Variants in CLASP1 observed in about 807,000 individuals in gnomAD.
The protein encoded by CLASP1 is cytoplasmic linker associated protein 1.
In CLASP1, 38 loss-of-function variants were observed where a neutral mutation model predicts 192.3. The ratio of observed to expected loss-of-function variants is 0.20; its 90% CI spans 0.15 to 0.26. The LOEUF (loss-of-function observed/expected upper bound fraction) is 0.26. Among genes scored for constraint, CLASP1 ranks in the 10% least tolerant of loss-of-function variants. The pLI is 1.00. For missense variants in CLASP1, 1,433 were observed against 1,932.5 expected (o/e 0.74, Z 4.85); for synonymous variants, 691 against 712.8 (o/e 0.97, Z 0.49).
At chr2:121,448,026 G>A (rs1361402395) in intron 18 of CLASP1, among the ~76,000 whole-genome samples, 1 of 152,194 alleles carries the variant, frequency 6.6e-6, no homozygotes, top group Non-Finnish European at 1.5e-5. Context: ...CAACATGCAG[G>A]GGAGGTGGAG....
chr2:121,373,988 T>C (rs1268382327), intron 34 of CLASP1, among the ~76,000 whole-genome samples: 1 of 152,204 alleles, frequency 6.6e-6, no homozygotes, highest in Non-Finnish European at 1.5e-5. Flanking sequence ...TTTGCACAAA[T>C]AATTAAAAGC....
At chr2:121,566,217 G>T (rs1426381441) in intron 2 of CLASP1, among the ~76,000 whole-genome samples, 1 of 152,192 alleles carries the variant, frequency 6.6e-6, no homozygotes, top group East Asian at 1.9e-4. Flanking sequence ...GAGAAATGGG[G>T]ACGAAAGCAG....
At chr2:121,610,805 AACTG>A in intron 1 of CLASP1, among the ~76,000 whole-genome samples, 12 of 133,898 alleles carry the variant, frequency 9.0e-5, no homozygotes, top group African/African-American at 3.6e-4. Context: ...GAGGAAGAGG[AACTG>A]GAGCAGGAGG....
chr2:121,425,362 T>A, intron 21 of CLASP1, 56 bp from the exon 22 acceptor site: 1 of 1,481,004 alleles, frequency 6.8e-7, no homozygotes, highest in Non-Finnish European at 9.1e-7. Flanking sequence ...GAATGAACTA[T>A]AATACTTTCA....
chr2:121,368,447 A>AT (rs1055986561), intron 34 of CLASP1, among the ~76,000 whole-genome samples: 88 of 147,568 alleles, frequency 6.0e-4, no homozygotes, highest in Admixed American at 1.6e-3. Context: ...TATTTCCCAA[A>AT]TTTTTTTTTT....
rs765672625 is a variant in CLASP1 at position 121,530,893 on chromosome 2, T to C, written c.196-568A>G. 42 of 694,046 alleles carry C rather than the reference T, an allele frequency of 6.1e-5. No homozygotes were observed. The highest frequency in any genetic ancestry group is 2.4e-4 in the Admixed American group (12 of 49,744). 43.0% of individuals were successfully genotyped at this position (694,046 alleles called of 1,614,324 possible). ...ACTTTCTATTATAACCATCCTTTTC[T>C]TGGGGTTGCGCTACTGTCCAATGAG... On this transcript the variant is annotated intron_variant, in intron 2 of 39. Transcript: ENST00000263710.
At chr2:121,550,866 T>G (rs1235715219) in intron 2 of CLASP1, among the ~76,000 whole-genome samples, 1 of 152,038 alleles carries the variant, frequency 6.6e-6, no homozygotes, top group Non-Finnish European at 1.5e-5. Context: ...CCCAACTCAT[T>G]CTACTAGGCC....
chr2:121,438,661 T>C (rs1185889307), intron 19 of CLASP1, among the ~76,000 whole-genome samples: 15 of 151,460 alleles, frequency 9.9e-5, no homozygotes, highest in Middle Eastern at 3.2e-3. Context: ...GAACCAGCCT[T>C]GCATCCCAGG....
chr2:121,431,301 G>A (rs549710978), intron 19 of CLASP1, among the ~76,000 whole-genome samples: 70 of 152,234 alleles, frequency 4.6e-4, no homozygotes, highest in South Asian at 4.6e-3. Flanking sequence ...AATCTATACA[G>A]AAGTGAAAAG....
At chr2:121,349,801 A>C (rs757944656) in intron 37 of CLASP1, among the ~76,000 whole-genome samples, 3 of 152,198 alleles carry the variant, frequency 2.0e-5, no homozygotes, top group Non-Finnish European at 4.4e-5. Context: ...ACCCTTTTGT[A>C]ATAAAGATGG....
In CLASP1 at chr2:121,418,516, C is replaced by A. The variant is rs189204266; in HGVS notation, c.2320+106G>T. ...GAAGAGGAAAGAAAGAAGAAAGGATCACAAGGACAGTAGAGGAGGAAAAGC... is the reference window on the plus strand; with the variant it reads ...GAAGAGGAAAGAAAGAAGAAAGGATAACAAGGACAGTAGAGGAGGAAAAGC... On this transcript the variant is annotated intron_variant, in intron 23 of 39. Coordinates refer to ENST00000263710, the Ensembl canonical transcript of CLASP1. 1.5e-4 allele frequency: 114 copies of A among 765,370 alleles called. No homozygotes were observed. In the East Asian group the frequency reaches 2.6e-3, roughly 18 times the overall value. The allele number at this position is 765,370 out of a possible 1,614,324, so 47.4% of individuals were successfully genotyped here. A position where few individuals can be genotyped will look rare whatever the true frequency, so the allele number is the denominator to read the frequency against.
intron 19 of CLASP1, among the ~76,000 whole-genome samples, chr2:121,443,749 C>T (rs1294770694): frequency 6.6e-6 from 1 of 152,074 alleles, no homozygotes; most frequent in Non-Finnish European, 1.5e-5. Context: ...GGGTGAAGGA[C>T]CTAAGAGTAT....
chr2:121,608,471 G>A (rs911056659), intron 1 of CLASP1, among the ~76,000 whole-genome samples: 4 of 152,124 alleles, frequency 2.6e-5, no homozygotes, highest in Non-Finnish European at 5.9e-5. Flanking sequence ...GCCCTGGGAC[G>A]GCCATGCTGT....
chr2:121,463,918 A>G (rs1396866231), intron 9 of CLASP1, among the ~76,000 whole-genome samples: 1 of 151,890 alleles, frequency 6.6e-6, no homozygotes, highest in African/African-American at 2.4e-5. Context: ...ATATGTATAC[A>G]TGTGCCATGC....
chr2:121,366,168 TAC>T (rs2067371890), intron 35 of CLASP1, among the ~76,000 whole-genome samples: 1 of 152,214 alleles, frequency 6.6e-6, no homozygotes, highest in African/African-American at 2.4e-5. Context: ...AGCCTTTTAG[TAC>T]ACAGTTGGTG....
intron 8 of CLASP1, chr2:121,490,290 A>T (rs749950322): frequency 4.4e-6 from 2 of 455,114 alleles, no homozygotes; most frequent in South Asian, 3.1e-5. Flanking sequence ...AGTAGTCATG[A>T]TTGTCAGTAA....
chr2:121,433,881 C>G (rs566254488), intron 19 of CLASP1, among the ~76,000 whole-genome samples: 58 of 152,308 alleles, frequency 3.8e-4, no homozygotes, highest in Admixed American at 6.5e-4. Context: ...GGGAAGTATT[C>G]CCTCTTTTCC....
intron 34 of CLASP1, among the ~76,000 whole-genome samples, chr2:121,374,517 T>C (rs1361317683): frequency 1.3e-5 from 2 of 152,144 alleles, no homozygotes; most frequent in Admixed American, 6.5e-5. Context: ...CCCAGAACGG[T>C]AGATCCACCA....
intron 1 of CLASP1, among the ~76,000 whole-genome samples, chr2:121,648,736 A>T (rs1341804432): frequency 1.3e-5 from 2 of 152,174 alleles, no homozygotes; most frequent in Non-Finnish European, 2.9e-5. Context: ...CACAGGCTTA[A>T]CTCAGCACTT....
Sources: gnomAD v4.1 joint callset for allele counts (sites outside exome capture counted in the v4.1 genomes callset) on GRCh38, gnomAD v4.1.1 for gene constraint, MANE v1.5 for transcripts, NCBI Gene and HGNC (gene_info 2026-07-23, HGNC 2026-07-21) for gene names.